MAP2K6: variants seen among roughly 807,000 people sequenced by gnomAD.
MAP2K6 encodes the protein dual specificity mitogen-activated protein kinase kinase 6.
MAP2K6 carries 16 observed loss-of-function variants against 53.7 expected under a neutral mutation model. The ratio of observed to expected loss-of-function variants is 0.30; its 90% CI spans 0.20 to 0.45. The LOEUF is 0.45. Among genes scored for constraint, MAP2K6 ranks in the 20% least tolerant of loss-of-function variants. The pLI is 1.00. For missense variants in MAP2K6, 204 were observed against 411.9 expected (o/e 0.50, Z 4.37); for synonymous variants, 132 against 143.1 (o/e 0.92, Z 0.55).
chr17:69,434,876 C>G (rs1906587004), intron 1 of MAP2K6: 1 of 152,074 alleles, frequency 6.6e-6, no homozygotes, highest in South Asian at 2.1e-4. Flanking sequence ...ACTGGACGGT[C>G]ACTACATACT....
chr17:69,422,754 G>T (rs1906131711), intron 1 of MAP2K6, among the ~76,000 whole-genome samples: 1 of 152,216 alleles, frequency 6.6e-6, no homozygotes, highest in Non-Finnish European at 1.5e-5. Context: ...ATCAATTGTT[G>T]TTAACCAATT....
chr17:69,523,812 G>A (rs1910618365), intron 8 of MAP2K6, among the ~76,000 whole-genome samples, 171 bp downstream of exon 8: 1 of 152,144 alleles, frequency 6.6e-6, no homozygotes, highest in Non-Finnish European at 1.5e-5. Context: ...TTACTCACTT[G>A]CTTCGTATAT....
At chr17:69,490,868 C>T (rs112452600) in intron 1 of MAP2K6, among the ~76,000 whole-genome samples, 6,593 of 152,158 alleles carry the variant, frequency 0.043, 422 homozygotes, top group East Asian at 0.15. Context: ...TCTCCCTCCC[C>T]CTCCTTCCAC....
At chr17:69,470,342 A>G (rs529290353) in intron 1 of MAP2K6, among the ~76,000 whole-genome samples, 2 of 152,324 alleles carry the variant, frequency 1.3e-5, no homozygotes, top group South Asian at 2.1e-4. Context: ...ATAAGAATAA[A>G]CCAGGCAAAA....
chr17:69,478,427 T>C (rs1324112246), intron 1 of MAP2K6, among the ~76,000 whole-genome samples: 2 of 152,178 alleles, frequency 1.3e-5, no homozygotes, highest in Non-Finnish European at 2.9e-5. Context: ...CTCTCATTCA[T>C]GTTTTACTTT....
rs1912103090 is a variant in MAP2K6, at chr17:69,551,599, G to A, written c.*9846G>A. 1 of 152,154 alleles carries A rather than the reference G, an allele frequency of 6.6e-6. No homozygotes were observed. Among genetic ancestry groups the A allele is most frequent in the African/African-American group, 2.4e-5 (1 of 41,434 alleles). 9.4% of individuals were successfully genotyped at this position (152,154 alleles called of 1,614,324 possible). The stretch of plus-strand genomic sequence containing the variant: ...GTGTTCTTGGCCAATCTGCATAAAA[G>A]CCACTTGAGGAGGTTTGATTAAGAA... On this transcript the variant is annotated 3_prime_UTR_variant, in exon 12 of 12. Coordinates refer to ENST00000590474, the MANE Select transcript of MAP2K6 (RefSeq NM_002758.4).
At chr17:69,425,075 TG>T (rs1457613740) in intron 1 of MAP2K6, among the ~76,000 whole-genome samples, 6 of 152,252 alleles carry the variant, frequency 3.9e-5, no homozygotes, top group African/African-American at 2.4e-5. Flanking sequence ...ACGTGGCCAG[TG>T]TGGCAGCATA....
In MAP2K6 at chr17:69,547,131, C is replaced by T; in HGVS notation, c.*5378C>T. 6.6e-6 allele frequency: 1 copy of T among 151,606 alleles called. No individual in the cohort carries two copies. Among genetic ancestry groups the T allele is most frequent in the East Asian group, 1.9e-4 (1 of 5,160 alleles). The allele number at this position is 151,606 out of a possible 1,614,324, so 9.4% of individuals were successfully genotyped here. On this transcript the variant is annotated 3_prime_UTR_variant, in exon 12 of 12. Coordinates refer to ENST00000590474, the MANE Select transcript of MAP2K6 (RefSeq NM_002758.4). ...GATTCTTTTGGGAATTTGTTGAAAG[C>T]TAGGACCTTTTCCCCAGGAAAATTT... is the stretch of plus-strand genomic sequence containing the variant.
Position 69,552,447 on chromosome 17 carries a change from C to A in MAP2K6, c.*10694C>A, listed in dbSNP as rs537699786. 3.3e-5 allele frequency: 5 copies of A among 152,356 alleles called. No individual in the cohort carries two copies. Among genetic ancestry groups the A allele is most frequent in the African/African-American group, 1.2e-4 (5 of 41,568 alleles). 9.4% of individuals were successfully genotyped at this position (152,356 alleles called of 1,614,324 possible). ...AGGTGCAGCTTTTTCTGGTTGGAATCATCTCTTCTTTACGGATTGCCGCAT... is the reference window on the plus strand; with the variant it reads ...AGGTGCAGCTTTTTCTGGTTGGAATAATCTCTTCTTTACGGATTGCCGCAT... On this transcript the variant is annotated 3_prime_UTR_variant, in exon 12 of 12. Transcript: ENST00000590474.
chr17:69,441,012 G>A (rs148024428), intron 1 of MAP2K6, among the ~76,000 whole-genome samples: 1 of 152,246 alleles, frequency 6.6e-6, no homozygotes, highest in East Asian at 1.9e-4. Context: ...GTGTATGTGT[G>A]TGTGCAGATA....
At chr17:69,419,106 C>T (rs1222279649) in intron 1 of MAP2K6, among the ~76,000 whole-genome samples, 1 of 152,134 alleles carries the variant, frequency 6.6e-6, no homozygotes, top group Non-Finnish European at 1.5e-5. Flanking sequence ...TAGTAGTACA[C>T]ATAAGGTTAC....
Position 69,486,508 on chromosome 17 carries a change from A to C in MAP2K6, c.17-19272A>C, listed in dbSNP as rs372948828. Among the ~76,000 whole-genome samples the C allele has an allele frequency of 5.3e-5, 8 of 152,312 alleles. No homozygotes were observed. In the East Asian group the frequency reaches 7.7e-4, roughly 15 times the overall value. ...GTCTGAGACTGATGAGTGTTCTACC[A>C]GGAAGTGAGAAGCATCAGGTTGAGA... is the stretch of plus-strand genomic sequence containing the variant. On this transcript the variant is annotated intron_variant, in intron 1 of 11. Coordinates refer to ENST00000590474, the MANE Select transcript of MAP2K6 (RefSeq NM_002758.4).
intron 1 of MAP2K6, chr17:69,435,031 C>T (rs1055945004): frequency 2.0e-5 from 3 of 152,180 alleles, no homozygotes; most frequent in African/African-American, 7.2e-5. Flanking sequence ...TTTACCTTTC[C>T]TGCACTCCAG....
chr17:69,505,923 C>T, intron 2 of MAP2K6, 77 bp downstream of exon 2: 1 of 1,249,872 alleles, frequency 8.0e-7, no homozygotes, highest in Non-Finnish European at 1.2e-6. Context: ...TTTTGGACTG[C>T]TGAGCAATGC....
intron 1 of MAP2K6, among the ~76,000 whole-genome samples, chr17:69,485,724 AG>A (rs1222174568): frequency 2.0e-5 from 3 of 152,072 alleles, no homozygotes; most frequent in Non-Finnish European, 4.4e-5. Flanking sequence ...CCTGTCTCTG[AG>A]GCTACCTGTC....
chr17:69,496,050 T>C (rs1908932881), intron 1 of MAP2K6, among the ~76,000 whole-genome samples: 2 of 152,112 alleles, frequency 1.3e-5, no homozygotes, highest in Non-Finnish European at 1.5e-5. Context: ...CAACACCAAA[T>C]TGTTAACATG....
intron 2 of MAP2K6, among the ~76,000 whole-genome samples, chr17:69,506,874 T>G (rs1394429742): frequency 6.6e-6 from 1 of 152,218 alleles, no homozygotes; most frequent in African/African-American, 2.4e-5. Flanking sequence ...AAACTCAAGA[T>G]AGAATGTTCC....
chr17:69,486,310 G>A (rs569519946), intron 1 of MAP2K6, among the ~76,000 whole-genome samples: 1 of 152,122 alleles, frequency 6.6e-6, no homozygotes, highest in Non-Finnish European at 1.5e-5. Context: ...AGTTTCTTGG[G>A]GGAGAAAGTA....
chr17:69,509,202 T>C (rs973660551), intron 2 of MAP2K6, among the ~76,000 whole-genome samples: 38 of 152,324 alleles, frequency 2.5e-4, no homozygotes, highest in African/African-American at 8.9e-4. Flanking sequence ...TTAGGGCAAA[T>C]TGACATTTTT....
Sources: gnomAD v4.1 joint callset for allele counts (sites outside exome capture counted in the v4.1 genomes callset) on GRCh38, gnomAD v4.1.1 for gene constraint, MANE v1.5 for transcripts, NCBI Gene and HGNC (gene_info 2026-07-23, HGNC 2026-07-21) for gene names.